Variants in TCEANC2 observed in about 807,000 individuals in gnomAD.
TCEANC2 encodes transcription elongation factor A N-terminal and central domain containing 2.
Under a neutral mutation model 22.8 loss-of-function variants are expected in TCEANC2, and 20 were observed. The ratio of observed to expected loss-of-function variants is 0.88; its 90% CI spans 0.62 to 1.28. TCEANC2 has a LOEUF of 1.28. Among genes scored for constraint, TCEANC2 ranks in the 50% most tolerant of loss-of-function variants. TCEANC2 has a pLI of 0.00. For synonymous variants in TCEANC2, 84 were observed against 95.5 expected (o/e 0.88, Z 0.70); for missense variants, 251 against 249.7 (o/e 1.01, Z -0.03).
chr1:54,073,564 A>T (rs1570004948), intron 3 of TCEANC2, among the ~76,000 whole-genome samples: 1 of 151,914 alleles, frequency 6.6e-6, no homozygotes, highest in Non-Finnish European at 1.5e-5. Flanking sequence ...GGTGGCTTTT[A>T]TCCAGGATCT....
At chr1:54,087,627 C>G (rs756083624) in intron 3 of TCEANC2, among the ~76,000 whole-genome samples, 3 of 152,192 alleles carry the variant, frequency 2.0e-5, no homozygotes, top group African/African-American at 4.8e-5. Flanking sequence ...TTGTTTATCT[C>G]AAAATATCTT....
chr1:54,055,721 A>T (rs1657740431), intron 2 of TCEANC2, among the ~76,000 whole-genome samples: 1 of 152,096 alleles, frequency 6.6e-6, no homozygotes, highest in Non-Finnish European at 1.5e-5. Context: ...ACTCAATTGG[A>T]CTCCTTTTCT....
chr1:54,099,637 G>A lies in TCEANC2; in HGVS notation c.*3164G>A, dbSNP rs1330304024. 1 of 151,362 alleles carries A rather than the reference G, an allele frequency of 6.6e-6. No homozygotes were observed. The highest frequency in any genetic ancestry group is 1.5e-5 in the Non-Finnish European group (1 of 67,878). 9.4% of individuals were successfully genotyped at this position (151,362 alleles called of 1,614,324 possible). On this transcript the variant is annotated 3_prime_UTR_variant, in exon 5 of 5. Transcript: ENST00000234827. Reference sequence around the variant, plus strand: ...CAGGCGCCTGTAATCCCAGCTACTTGGAAGGCTGAGGTATGAGAATCGCTT... The same window carrying A: ...CAGGCGCCTGTAATCCCAGCTACTTAGAAGGCTGAGGTATGAGAATCGCTT...
intron 1 of TCEANC2, 70 bp from the exon 2 acceptor site, chr1:54,054,311 G>A: frequency 6.6e-7 from 1 of 1,519,216 alleles, no homozygotes; most frequent in Non-Finnish European, 8.8e-7. Context: ...ACTCAATTGT[G>A]TTACTTTGGG....
chr1:54,109,766 T>C (rs1042589522), downstream of TCEANC2, among the ~76,000 whole-genome samples: 2 of 152,170 alleles, frequency 1.3e-5, no homozygotes, highest in South Asian at 2.1e-4. Flanking sequence ...GGTTCTGAAG[T>C]TGGTGCTGGG....
intron 2 of TCEANC2, among the ~76,000 whole-genome samples, chr1:54,067,170 T>C (rs563440773): frequency 2.6e-5 from 4 of 152,196 alleles, no homozygotes; most frequent in African/African-American, 9.6e-5. Flanking sequence ...AAAGGAGAAG[T>C]GGGTATATTG....
intron 3 of TCEANC2, among the ~76,000 whole-genome samples, chr1:54,086,704 G>A (rs974170915): frequency 2.0e-5 from 3 of 152,164 alleles, no homozygotes; most frequent in Non-Finnish European, 4.4e-5. Context: ...GGATTTAAGT[G>A]GAGGAGTGAA....
chr1:54,096,879 G>T lies in TCEANC2; in HGVS notation c.*406G>T. On this transcript the variant is annotated 3_prime_UTR_variant, in exon 5 of 5. Transcript: ENST00000234827. The surrounding 1 kb of genome is among the most constrained non-coding windows in gnomAD (Gnocchi z 4.9). ...ACTCAATTACCGCTGCCGCTCACTC[G>T]GTTCCATCCCCCTGAGTTTAGATAG... 1.1e-5 allele frequency: 11 copies of T among 990,784 alleles called. No homozygotes were observed. The highest frequency in any genetic ancestry group is 1.3e-5 in the Non-Finnish European group (11 of 833,106). The allele number at this position is 990,784 out of a possible 1,614,324, so 61.4% of individuals were successfully genotyped here. A position where few individuals can be genotyped will look rare whatever the true frequency, so the allele number is the denominator to read the frequency against.
rs537306270 is a variant in TCEANC2, at chr1:54,060,246, A to G, written c.102+5722A>G. 2.0e-5 allele frequency among the ~76,000 whole-genome samples: 3 copies of G among 152,212 alleles called. No individual in the cohort carries two copies. The East Asian group carries it at 5.8e-4, about 29-fold the overall frequency. On this transcript the variant is annotated intron_variant, in intron 2 of 4. Coordinates refer to ENST00000234827, the MANE Select transcript of TCEANC2 (RefSeq NM_153035.3). ...TATGGTGAAACCCTGTCTCTACTAA[A>G]AATAAAAAATTAGCTGGGCGTGGTC...
chr1:54,096,817 G>T lies in TCEANC2; in HGVS notation c.*344G>T. 1 of 1,022,084 alleles carries T rather than the reference G, an allele frequency of 9.8e-7. No homozygotes were observed. Among genetic ancestry groups the T allele is most frequent in the Non-Finnish European group, 1.2e-6 (1 of 852,924 alleles). The allele number at this position is 1,022,084 out of a possible 1,614,324, so 63.3% of individuals were successfully genotyped here. On this transcript the variant is annotated 3_prime_UTR_variant, in exon 5 of 5. Transcript: ENST00000234827. This position sits in a 1 kb window ranked among gnomAD's most constrained non-coding sequence, Gnocchi z 4.9. ...ACTTCCCCCATGTCAGTCAGATGAA[G>T]TTACTACTATATTTCACCACCCTGC...
intron 3 of TCEANC2, among the ~76,000 whole-genome samples, chr1:54,077,565 T>A (rs1658165999): frequency 6.6e-6 from 1 of 152,220 alleles, no homozygotes; most frequent in Admixed American, 6.5e-5. Flanking sequence ...TCTGTATCTA[T>A]TTTTAAACTG....
At chr1:54,067,539 G>A (rs958690916) in intron 2 of TCEANC2, among the ~76,000 whole-genome samples, 10 of 152,172 alleles carry the variant, frequency 6.6e-5, no homozygotes, top group Non-Finnish European at 1.5e-5. Context: ...TTAAAGTAAG[G>A]CTTTTCCTTC....
In TCEANC2 at chr1:54,088,722, A is replaced by G. The variant is rs1487465672; in HGVS notation, c.370A>G (p.Ser124Gly). ...AAATAGACCTTCTATTGAAGTTAGA[A>G]GTGATCCCAAAACCGAGTCGTTGAG... ...HSNRPSIEVR[S>G]DPKTESLRKN... The change falls in exon 4 of 5, where the codon AGT becomes GGT. Residue 124 changes from serine (S) to glycine (G), a missense_variant. Ser to Gly is a moderately conservative substitution (Grantham distance 56). Coordinates refer to ENST00000234827, the MANE Select transcript of TCEANC2 (RefSeq NM_153035.3). 1 of 1,608,476 alleles carries G rather than the reference A, an allele frequency of 6.2e-7. No individual in the cohort carries two copies. Among genetic ancestry groups the G allele is most frequent in the Non-Finnish European group, 8.5e-7 (1 of 1,177,186 alleles).
chr1:54,076,220 T>C (rs1041488195), intron 3 of TCEANC2, among the ~76,000 whole-genome samples: 7 of 152,186 alleles, frequency 4.6e-5, no homozygotes, highest in South Asian at 2.1e-4. Flanking sequence ...TAGTACCCAA[T>C]AGTTGTGTTT....
intron 3 of TCEANC2, among the ~76,000 whole-genome samples, chr1:54,076,408 A>G (rs1296219223): frequency 6.6e-6 from 1 of 152,192 alleles, no homozygotes; most frequent in Non-Finnish European, 1.5e-5. Flanking sequence ...CTTCAGCTCC[A>G]TCCATGTTCC....
rs1236287853 is a variant in TCEANC2, at chr1:54,054,379, A to G, written c.-42-2A>G. 8 of 1,611,828 alleles carry G rather than the reference A, an allele frequency of 5.0e-6. No individual in the cohort carries two copies. In the Admixed American group the frequency reaches 1.3e-4, roughly 27 times the overall value. Reference sequence around the variant, plus strand: ...TTAGAATCTGCCCTCTTTCTTGACCAGAACACGCTGCAAGCACGTCAAGGT... The same window carrying G: ...TTAGAATCTGCCCTCTTTCTTGACCGGAACACGCTGCAAGCACGTCAAGGT... On this transcript the variant is annotated splice_acceptor_variant, in intron 1 of 4. Coordinates refer to ENST00000234827, the MANE Select transcript of TCEANC2 (RefSeq NM_153035.3). LOFTEE classifies it low-confidence loss of function (5UTR_SPLICE).
chr1:54,068,550 T>C (rs74085146), intron 2 of TCEANC2, among the ~76,000 whole-genome samples: 5,453 of 152,294 alleles, frequency 0.036, 257 homozygotes, highest in East Asian at 0.2. Flanking sequence ...CTTTTCCTAA[T>C]AGATGCACCT....
At position 54,073,153 on chromosome 1, in the gene TCEANC2, G is replaced by C. The variant is rs189702318; in HGVS notation, c.244+4256G>C. 2.6e-4 allele frequency among the ~76,000 whole-genome samples: 39 copies of C among 152,178 alleles called. No homozygotes were observed. In the East Asian group the frequency reaches 7.0e-3, roughly 27 times the overall value. On this transcript the variant is annotated intron_variant, in intron 3 of 4. Coordinates refer to ENST00000234827, the MANE Select transcript of TCEANC2 (RefSeq NM_153035.3). ...GATCATTTGTTTAATGTTTTGTAGA[G>C]AAGGGGTCTCGCTGTGTTGCCCAGG... is the stretch of plus-strand genomic sequence containing the variant.
At chr1:54,078,965 G>A (rs1459553287) in intron 3 of TCEANC2, among the ~76,000 whole-genome samples, 1 of 152,144 alleles carries the variant, frequency 6.6e-6, no homozygotes, top group African/African-American at 2.4e-5. Context: ...CTAGCAAAAC[G>A]CCTTTGGAGC....
Sources: allele counts gnomAD v4.1 joint callset (sites outside exome capture counted in the v4.1 genomes callset), GRCh38; gene constraint gnomAD v4.1.1; non-coding constraint Gnocchi (gnomAD v3.1); transcripts MANE v1.5; gene names NCBI Gene and HGNC (gene_info 2026-07-23, HGNC 2026-07-21).